The following CTNNBL1 variants were observed in gnomAD, a reference collection of about 807,000 sequenced individuals.
The protein encoded by CTNNBL1 is beta-catenin-like protein 1.
A neutral mutation model predicts 72.7 loss-of-function variants in CTNNBL1; 31 were observed. The ratio of observed to expected loss-of-function variants is 0.43; its 90% CI spans 0.32 to 0.58. The LOEUF is 0.58. Ranked by LOEUF, CTNNBL1 falls within the 20% of genes least tolerant of loss-of-function variation. The pLI is 0.08. For missense variants in CTNNBL1, 534 were observed against 725.1 expected (o/e 0.74, Z 3.03); for synonymous variants, 240 against 267.3 (o/e 0.90, Z 1.00).
intron 11 of CTNNBL1, among the ~76,000 whole-genome samples, chr20:37,835,775 G>A (rs1025845348): frequency 2.8e-4 from 42 of 152,110 alleles, no homozygotes; most frequent in Admixed American, 2.7e-3. Flanking sequence ...TGAATGGGGC[G>A]CTAGTTAAAA....
At chr20:37,717,328 T>C (rs545052467) in intron 1 of CTNNBL1, among the ~76,000 whole-genome samples, 2 of 152,342 alleles carry the variant, frequency 1.3e-5, no homozygotes, top group South Asian at 4.1e-4. Context: ...TTAACAGGTA[T>C]GTCTTGTAAC....
At chr20:37,787,711 T>C (rs978770109) in intron 10 of CTNNBL1, among the ~76,000 whole-genome samples, 3 of 152,354 alleles carry the variant, frequency 2.0e-5, no homozygotes, top group South Asian at 2.1e-4. Context: ...TATTTGATTT[T>C]ATAGTAATTA....
intron 11 of CTNNBL1, among the ~76,000 whole-genome samples, chr20:37,817,029 A>G (rs974457087): frequency 6.6e-6 from 1 of 152,162 alleles, no homozygotes; most frequent in Non-Finnish European, 1.5e-5. Context: ...GGTATACATG[A>G]TGTCATTATC....
chr20:37,857,276 C>T (rs1002918870), intron 13 of CTNNBL1, among the ~76,000 whole-genome samples: 3 of 152,176 alleles, frequency 2.0e-5, no homozygotes, highest in African/African-American at 7.2e-5. Flanking sequence ...TACCAGATTA[C>T]CAATGAATTT....
intron 11 of CTNNBL1, among the ~76,000 whole-genome samples, chr20:37,807,499 A>C (rs1432033349): frequency 6.6e-6 from 1 of 152,214 alleles, no homozygotes; most frequent in Non-Finnish European, 1.5e-5. Context: ...TGGGAATGTC[A>C]GGAGTCAAGC....
intron 11 of CTNNBL1, among the ~76,000 whole-genome samples, chr20:37,819,109 C>T (rs547697038): frequency 6.6e-6 from 1 of 152,186 alleles, no homozygotes; most frequent in Admixed American, 6.5e-5. Flanking sequence ...GCATTTTTTG[C>T]AATTTGACTT....
chr20:37,727,120 G>A (rs1456269811), intron 1 of CTNNBL1, among the ~76,000 whole-genome samples: 1 of 151,920 alleles, frequency 6.6e-6, no homozygotes, highest in African/African-American at 2.4e-5. Flanking sequence ...TGTTCCCACA[G>A]CCCCTCATTA....
chr20:37,761,178 G>A (rs1469484319), intron 5 of CTNNBL1, among the ~76,000 whole-genome samples: 1 of 152,204 alleles, frequency 6.6e-6, no homozygotes, highest in East Asian at 1.9e-4. Context: ...GAGAGCATAT[G>A]GAGGTGTCCC....
chr20:37,782,081 TAGG>T (rs1409855177), intron 10 of CTNNBL1, among the ~76,000 whole-genome samples: 1 of 152,180 alleles, frequency 6.6e-6, no homozygotes, highest in African/African-American at 2.4e-5. Flanking sequence ...ATAAAGTATC[TAGG>T]AGAATTCTAC....
intron 13 of CTNNBL1, among the ~76,000 whole-genome samples, chr20:37,851,762 C>T (rs1242167530): frequency 6.6e-6 from 1 of 152,208 alleles, no homozygotes; most frequent in Non-Finnish European, 1.5e-5. Context: ...AATGAGAAAT[C>T]CGTGAAAGTG....
intron 11 of CTNNBL1, among the ~76,000 whole-genome samples, chr20:37,810,947 TA>T (rs539467537): frequency 1.8e-3 from 279 of 152,330 alleles, no homozygotes; most frequent in Non-Finnish European, 2.7e-3. Flanking sequence ...ATCTATCTCA[TA>T]AGGGTAACAA....
chr20:37,707,151 C>T (rs2072892534), intron 1 of CTNNBL1, among the ~76,000 whole-genome samples: 1 of 152,144 alleles, frequency 6.6e-6, no homozygotes, highest in African/African-American at 2.4e-5. Flanking sequence ...TTCCCAAGGG[C>T]CCTAGGATTT....
intron 3 of CTNNBL1, among the ~76,000 whole-genome samples, chr20:37,742,953 G>A (rs559145140): frequency 7.9e-5 from 12 of 152,068 alleles, no homozygotes; most frequent in African/African-American, 1.2e-4. Flanking sequence ...ACAAGTGTGC[G>A]CCACCACACC....
chr20:37,811,883 C>T lies in CTNNBL1; in HGVS notation c.1213+8835C>T, dbSNP rs142393137. On this transcript the variant is annotated intron_variant, in intron 11 of 15. Coordinates refer to ENST00000361383, the MANE Select transcript of CTNNBL1 (RefSeq NM_030877.5). ...ATTAGGCATTTCTGTCGTCTTTTCA[C>T]AGGTGAGTTTCAGAGAGTTTGTCAG... Among the ~76,000 whole-genome samples the T allele has an allele frequency of 2.3e-3, 356 of 152,356 alleles. 2 individuals carry two copies. Among genetic ancestry groups the T allele is most frequent in the African/African-American group, 7.6e-3 (316 of 41,592 alleles).
At chr20:37,776,461 C>CA (rs767576983) in intron 7 of CTNNBL1, among the ~76,000 whole-genome samples, 9 of 152,232 alleles carry the variant, frequency 5.9e-5, no homozygotes, top group Non-Finnish European at 8.8e-5. Context: ...TTTGTCATTT[C>CA]AAAAACACAG....
chr20:37,822,868 A>G (rs1568796780), intron 11 of CTNNBL1, among the ~76,000 whole-genome samples: 2 of 152,348 alleles, frequency 1.3e-5, no homozygotes, highest in South Asian at 2.1e-4. Context: ...ACACAGTGCT[A>G]ATAAATGGTT....
intron 15 of CTNNBL1, among the ~76,000 whole-genome samples, chr20:37,862,260 C>T (rs2072497480): frequency 1.3e-5 from 2 of 152,120 alleles, no homozygotes; most frequent in Admixed American, 6.5e-5. Flanking sequence ...TTTGCAACTC[C>T]AGCCTTTAAA....
intron 4 of CTNNBL1, among the ~76,000 whole-genome samples, chr20:37,748,212 G>A (rs2073285346): frequency 1.3e-5 from 2 of 152,284 alleles, no homozygotes; most frequent in African/African-American, 2.4e-5. Flanking sequence ...GTCTGACTAA[G>A]TTCTTGCCTG....
chr20:37,856,140 G>A (rs1022207115), intron 13 of CTNNBL1, among the ~76,000 whole-genome samples: 22 of 151,096 alleles, frequency 1.5e-4, no homozygotes, highest in African/African-American at 5.1e-4. Context: ...GGGAGGCTGA[G>A]GCAGGAGAGT....
Sources: gnomAD v4.1 joint callset for allele counts (sites outside exome capture counted in the v4.1 genomes callset) on GRCh38, gnomAD v4.1.1 for gene constraint, MANE v1.5 for transcripts, NCBI Gene and HGNC (gene_info 2026-07-23, HGNC 2026-07-21) for gene names.